The following CFAP221 variants were observed in gnomAD, a reference collection of about 807,000 sequenced individuals.
The protein encoded by CFAP221 is cilia- and flagella-associated protein 221.
A neutral mutation model predicts 113.1 loss-of-function variants in CFAP221; 97 were observed. The ratio of observed to expected loss-of-function variants is 0.86; its 90% CI spans 0.73 to 1.02. The LOEUF is 1.02. CFAP221 is among the 50% of genes least tolerant of loss of function. The pLI, the probability that CFAP221 is intolerant of heterozygous loss-of-function variation, is 0.00. For synonymous variants in CFAP221, 331 were observed against 354.4 expected, an observed-to-expected ratio of 0.93 and a Z score of 0.74; for missense variants, 1,025 against 1,013.4, an observed-to-expected ratio of 1.01 and a Z score of -0.16.
At position 119,605,001 on chromosome 2, in the gene CFAP221, T is replaced by A; in HGVS notation, c.1024+14T>A. The stretch of plus-strand genomic sequence containing the variant: ...AATTAAGAGAAGGTAACCAGTTGAT[T>A]GGCCATAAAGCAGCCCCTGAGCAGA... On this transcript the variant is annotated intron_variant, in intron 10 of 23. Coordinates refer to ENST00000413369, the MANE Select transcript of CFAP221 (RefSeq NM_001271049.2). 6.2e-7 allele frequency: 1 copy of A among 1,609,638 alleles called. No homozygotes were observed.
chr2:119,605,832 CT>C (rs1224681079), intron 11 of CFAP221, among the ~76,000 whole-genome samples: 2 of 151,824 alleles, frequency 1.3e-5, no homozygotes, highest in Non-Finnish European at 2.9e-5. Context: ...AAAGTAAACT[CT>C]TTTTTTTGAG....
At position 119,628,387 on chromosome 2, in the gene CFAP221, C is replaced by T. The variant is rs906508392; in HGVS notation, c.1650+601C>T. Among the ~76,000 whole-genome samples the T allele has an allele frequency of 4.1e-4, 62 of 150,848 alleles. 3 individuals carry two copies. Among genetic ancestry groups the T allele is most frequent in the Admixed American group, 1.3e-4 (2 of 15,138 alleles). On this transcript the variant is annotated intron_variant, in intron 16 of 23. Coordinates refer to ENST00000413369, the MANE Select transcript of CFAP221 (RefSeq NM_001271049.2). Reference sequence around the variant, plus strand: ...TATAATGGCTCATCCTTCTTCCCTTCGGGCACAATGGTGCATTATTGAAAA... The same window carrying T: ...TATAATGGCTCATCCTTCTTCCCTTTGGGCACAATGGTGCATTATTGAAAA...
chr2:119,647,958 C>T lies in CFAP221; in HGVS notation c.2318+908C>T, dbSNP rs374531358. ...GAAGGGGTAGGCTGTGGGTTCAACACCACCACCACCACCACCGCCACTCAC... is the reference window on the plus strand; with the variant it reads ...GAAGGGGTAGGCTGTGGGTTCAACATCACCACCACCACCACCGCCACTCAC... On this transcript the variant is annotated intron_variant, in intron 22 of 23. Coordinates refer to ENST00000413369, the MANE Select transcript of CFAP221 (RefSeq NM_001271049.2). Among the ~76,000 whole-genome samples, 24 of 152,124 alleles carry T rather than the reference C, an allele frequency of 1.6e-4. No individual in the cohort carries two copies. In the East Asian group the frequency reaches 4.2e-3, roughly 27 times the overall value.
At position 119,546,034 on chromosome 2, in the gene CFAP221, A is replaced by G. The variant is rs944253285; in HGVS notation, c.-47-51A>G. On this transcript the variant is annotated intron_variant, in intron 1 of 23. Transcript: ENST00000413369. The stretch of plus-strand genomic sequence containing the variant: ...GTACATTTATCAAAGAAAGAGAAAA[A>G]ATGTGCGTGGTTTCTCATGGATGAT... 10 of 1,300,510 alleles carry G rather than the reference A, an allele frequency of 7.7e-6. No individual in the cohort carries two copies. In the African/African-American group the frequency reaches 1.4e-4, roughly 18 times the overall value. 80.6% of individuals were successfully genotyped at this position (1,300,510 alleles called of 1,614,324 possible).
At chr2:119,581,536 T>C (rs1383342666) in intron 6 of CFAP221, among the ~76,000 whole-genome samples, 2 of 152,128 alleles carry the variant, frequency 1.3e-5, no homozygotes, top group Non-Finnish European at 2.9e-5. Flanking sequence ...ATAGAGTACA[T>C]AGAGGTTACA....
Position 119,630,583 on chromosome 2 carries a change from A to G in CFAP221, c.1745A>G (p.Tyr582Cys), listed in dbSNP as rs371870181. ...SFFNLQVPQL[Y>C]KIKRYQPFSV... is the part of the protein sequence containing the mutation. ...TTTCACCTTCAGGTTCCTCAACTGT[A>G]CAAAATTAAGAGATATCAGCCATTC... The change falls in exon 18 of 24, where the codon TAC becomes TGC. Residue 582 changes from tyrosine to cysteine, a missense_variant. Physicochemically the swap from Tyr to Cys is radical, Grantham distance 194 (BLOSUM62 -2). Transcript: ENST00000413369. 236 of 1,610,860 alleles carry G rather than the reference A, an allele frequency of 1.5e-4. No individual in the cohort carries two copies. The highest frequency in any genetic ancestry group is 1.9e-4 in the Non-Finnish European group (225 of 1,177,094).
chr2:119,619,901 C>T (rs148022628), intron 14 of CFAP221, among the ~76,000 whole-genome samples: 1 of 152,142 alleles, frequency 6.6e-6, no homozygotes, highest in African/African-American at 2.4e-5. Context: ...CATAAATAAC[C>T]TGATAGAGCT....
intron 8 of CFAP221, 98 bp downstream of exon 8, chr2:119,601,475 A>T: frequency 1.7e-6 from 2 of 1,152,310 alleles, no homozygotes; most frequent in Non-Finnish European, 1.2e-6. Flanking sequence ...AAAGAATGTC[A>T]TCAAAAACTT....
At chr2:119,611,620 C>T in intron 12 of CFAP221, 33 bp from the exon 13 acceptor site, 1 of 1,556,296 alleles carries the variant, frequency 6.4e-7, no homozygotes, top group Non-Finnish European at 8.8e-7. Context: ...CATTTATATT[C>T]AACTTAAATT....
intron 14 of CFAP221, 84 bp from the exon 15 acceptor site, chr2:119,625,499 G>A: frequency 3.4e-6 from 4 of 1,165,232 alleles, no homozygotes; most frequent in Non-Finnish European, 5.0e-6. Flanking sequence ...CTCTTAGTGT[G>A]GTTGGGGAAA....
At chr2:119,638,520 C>A in intron 20 of CFAP221, 103 bp downstream of exon 20, 3 of 1,420,296 alleles carry the variant, frequency 2.1e-6, no homozygotes, top group Non-Finnish European at 2.9e-6. Flanking sequence ...AGGTTTGCCG[C>A]CACAGCTGCA....
chr2:119,606,382 C>G (rs1221468921), intron 11 of CFAP221, among the ~76,000 whole-genome samples: 2 of 152,048 alleles, frequency 1.3e-5, no homozygotes, highest in African/African-American at 4.8e-5. Flanking sequence ...TCCACCCTTC[C>G]CGACACATGA....
chr2:119,640,947 C>T lies in CFAP221; in HGVS notation c.2225+1075C>T, dbSNP rs184144937. Among the ~76,000 whole-genome samples the T allele has an allele frequency of 3.9e-5, 6 of 152,252 alleles. No individual in the cohort carries two copies. The East Asian group carries it at 5.8e-4, about 15-fold the overall frequency. On this transcript the variant is annotated intron_variant, in intron 21 of 23. Coordinates refer to ENST00000413369, the MANE Select transcript of CFAP221 (RefSeq NM_001271049.2). ...GACTTGTTGCAAAGGCCATTCTCAGCGTTGATGTTTTAATTTTAGTAAGAG... is the reference window on the plus strand; with the variant it reads ...GACTTGTTGCAAAGGCCATTCTCAGTGTTGATGTTTTAATTTTAGTAAGAG...
At chr2:119,600,611 A>G (rs1303209213) in intron 7 of CFAP221, among the ~76,000 whole-genome samples, 3 of 152,378 alleles carry the variant, frequency 2.0e-5, no homozygotes, top group East Asian at 3.9e-4. Flanking sequence ...ATTTAATGAA[A>G]AAGCTACATA....
chr2:119,651,505 A>T (rs970379439), intron 22 of CFAP221, among the ~76,000 whole-genome samples: 2 of 152,170 alleles, frequency 1.3e-5, no homozygotes, highest in Admixed American at 6.5e-5. Flanking sequence ...AAAAAAAAAA[A>T]AAACTAGACT....
At chr2:119,619,473 C>G (rs1402761719) in intron 14 of CFAP221, among the ~76,000 whole-genome samples, 1 of 152,210 alleles carries the variant, frequency 6.6e-6, no homozygotes, top group Non-Finnish European at 1.5e-5. Flanking sequence ...CCAGCAAACT[C>G]CAGCAGACCT....
At chr2:119,595,178 G>A (rs1472894692) in intron 7 of CFAP221, among the ~76,000 whole-genome samples, 2 of 152,246 alleles carry the variant, frequency 1.3e-5, no homozygotes, top group Non-Finnish European at 2.9e-5. Flanking sequence ...GGTCTGTGAT[G>A]CTGGGGTTTG....
chr2:119,650,100 A>G (rs1246552163), intron 22 of CFAP221, among the ~76,000 whole-genome samples: 1 of 152,240 alleles, frequency 6.6e-6, no homozygotes, highest in African/African-American at 2.4e-5. Flanking sequence ...ACATGAGACT[A>G]CAGCATCTTT....
At chr2:119,597,975 C>G (rs1484624783) in intron 7 of CFAP221, among the ~76,000 whole-genome samples, 3 of 152,118 alleles carry the variant, frequency 2.0e-5, no homozygotes, top group African/African-American at 7.2e-5. Context: ...TTGGGGTTTT[C>G]TTTCTGATTT....
Sources: gnomAD v4.1 joint callset for allele counts (sites outside exome capture counted in the v4.1 genomes callset) on GRCh38, gnomAD v4.1.1 for gene constraint, MANE v1.5 for transcripts, NCBI Gene and HGNC (gene_info 2026-07-23, HGNC 2026-07-21) for gene names.